The following RELN variants were observed in gnomAD, a reference collection of about 807,000 sequenced individuals.
RELN encodes reelin.
Under a neutral mutation model 427.6 loss-of-function variants are expected in RELN, and 108 were observed. That is an observed-to-expected ratio of 0.25 (90% CI 0.22 to 0.30). The LOEUF (loss-of-function observed/expected upper bound fraction) is 0.30. Ranked by LOEUF, RELN falls within the 10% of genes least tolerant of loss-of-function variation. The pLI is 1.00. For synonymous variants in RELN, 1,524 were observed against 1,513.4 expected, an observed-to-expected ratio of 1.01 and a Z score of -0.16; for missense variants, 3,715 against 4,302.8, an observed-to-expected ratio of 0.86 and a Z score of 3.82.
chr7:103,742,313 G>T (rs139121558), intron 6 of RELN, among the ~76,000 whole-genome samples: 2 of 151,992 alleles, frequency 1.3e-5, no homozygotes, highest in African/African-American at 4.8e-5. Flanking sequence ...ACAAAGATGG[G>T]AAAAAAACAG....
chr7:103,833,925 A>T (rs1335231003), intron 2 of RELN, among the ~76,000 whole-genome samples: 1 of 152,022 alleles, frequency 6.6e-6, no homozygotes, highest in Non-Finnish European at 1.5e-5. Context: ...TGATTGATTG[A>T]TCTTTGCCTA....
intron 55 of RELN, among the ~76,000 whole-genome samples, chr7:103,497,032 A>G (rs1415517010): frequency 1.3e-5 from 2 of 152,194 alleles, no homozygotes; most frequent in Non-Finnish European, 2.9e-5. Context: ...TGCTTTTAAA[A>G]TTTAGTTCTA....
At chr7:103,491,777 C>T (rs553950551) in intron 58 of RELN, among the ~76,000 whole-genome samples, 176 bp downstream of exon 58, 5 of 149,810 alleles carry the variant, frequency 3.3e-5, no homozygotes, top group Admixed American at 6.7e-5. Flanking sequence ...TGCGGTGAGC[C>T]GAGATCCCAC....
chr7:103,564,067 C>CCAAATGT (rs1489347360), intron 34 of RELN, among the ~76,000 whole-genome samples: 1 of 152,204 alleles, frequency 6.6e-6, no homozygotes, highest in Non-Finnish European at 1.5e-5. Flanking sequence ...ATCCTGGCAT[C>CCAAATGT]AGCTTATTCA....
chr7:103,724,641 A>G (rs1469984570), intron 7 of RELN, among the ~76,000 whole-genome samples: 1 of 152,130 alleles, frequency 6.6e-6, no homozygotes. Flanking sequence ...CCAAATTTCA[A>G]ATTATGTGTG....
chr7:103,760,505 C>A (rs573080579), intron 4 of RELN, among the ~76,000 whole-genome samples: 1 of 152,004 alleles, frequency 6.6e-6, no homozygotes, highest in African/African-American at 2.4e-5. Context: ...CTTCAGCCAA[C>A]TTGTTGAACA....
chr7:103,942,770 G>T (rs1311574615), intron 1 of RELN, among the ~76,000 whole-genome samples: 1 of 152,094 alleles, frequency 6.6e-6, no homozygotes, highest in Non-Finnish European at 1.5e-5. Context: ...AAATTAGCTG[G>T]GAGTGGTGGC....
chr7:103,518,140 T>G (rs887431791), intron 49 of RELN, among the ~76,000 whole-genome samples: 3 of 152,052 alleles, frequency 2.0e-5, no homozygotes, highest in African/African-American at 7.2e-5. Context: ...GGAGTACTTT[T>G]TTTGGGGATG....
intron 12 of RELN, among the ~76,000 whole-genome samples, chr7:103,659,076 T>C (rs1180085683): frequency 2.0e-5 from 3 of 151,850 alleles, no homozygotes; most frequent in Admixed American, 6.6e-5. Flanking sequence ...ATATGGATGA[T>C]TTTCGAATCT....
At chr7:103,755,350 T>G (rs1358966235) in intron 4 of RELN, among the ~76,000 whole-genome samples, 3 of 151,936 alleles carry the variant, frequency 2.0e-5, no homozygotes, top group Admixed American at 1.3e-4. Flanking sequence ...GGCTCACGCC[T>G]GTAATCCCAG....
At chr7:103,690,483 G>A (rs918148005) in intron 10 of RELN, among the ~76,000 whole-genome samples, 5 of 152,118 alleles carry the variant, frequency 3.3e-5, no homozygotes, top group African/African-American at 9.7e-5. Context: ...AGCTATTCTA[G>A]TAACTGCAGA....
chr7:103,562,250 G>T (rs939339296), intron 34 of RELN, among the ~76,000 whole-genome samples: 2 of 152,080 alleles, frequency 1.3e-5, no homozygotes, highest in Admixed American at 6.6e-5. Context: ...CACTTGTTTT[G>T]TTTTTGAAAT....
chr7:103,852,491 TTACA>T (rs1465694248), intron 2 of RELN, among the ~76,000 whole-genome samples: 4 of 152,168 alleles, frequency 2.6e-5, no homozygotes, highest in African/African-American at 9.6e-5. Flanking sequence ...CTTCACTGGG[TTACA>T]TAATCAATGT....
chr7:103,864,927 G>A (rs1794158657), intron 2 of RELN, among the ~76,000 whole-genome samples: 1 of 151,838 alleles, frequency 6.6e-6, no homozygotes, highest in Admixed American at 6.6e-5. Flanking sequence ...AACACACTGA[G>A]TAACCCAAAA....
chr7:103,487,509 ATGTTT>A (rs765015178), intron 60 of RELN, among the ~76,000 whole-genome samples: 4 of 151,808 alleles, frequency 2.6e-5, no homozygotes, highest in Non-Finnish European at 4.4e-5. Flanking sequence ...CCCAAAGTAA[ATGTTT>A]TGTTTTGGCA....
chr7:103,575,307 T>C (rs1025427827), intron 29 of RELN, among the ~76,000 whole-genome samples: 1 of 152,252 alleles, frequency 6.6e-6, no homozygotes, highest in Non-Finnish European at 1.5e-5. Flanking sequence ...ATTATTGCTA[T>C]GAATAATAAA....
chr7:103,761,343 G>A (rs1791293560), intron 4 of RELN, among the ~76,000 whole-genome samples: 1 of 151,920 alleles, frequency 6.6e-6, no homozygotes, highest in Non-Finnish European at 1.5e-5. Context: ...TCTTTTCTGG[G>A]GAGATATCCA....
intron 59 of RELN, 90 bp downstream of exon 59, chr7:103,490,578 C>T: frequency 1.5e-6 from 2 of 1,371,448 alleles, no homozygotes; most frequent in East Asian, 2.3e-5. Flanking sequence ...TAAAGCTCTG[C>T]CTCACACTGT....
At chr7:103,578,365 G>A (rs377382024) in intron 28 of RELN, among the ~76,000 whole-genome samples, 13 of 152,140 alleles carry the variant, frequency 8.5e-5, no homozygotes, top group African/African-American at 3.1e-4. Context: ...TAATCATTTG[G>A]TTAATAGGGT....
Sources: gnomAD v4.1 joint callset for allele counts (sites outside exome capture counted in the v4.1 genomes callset) on GRCh38, gnomAD v4.1.1 for gene constraint, MANE v1.5 for transcripts, NCBI Gene and HGNC (gene_info 2026-07-23, HGNC 2026-07-21) for gene names.